SGCZ: variants seen among roughly 807,000 people sequenced by gnomAD.
The protein encoded by SGCZ is sarcoglycan zeta.
Under a neutral mutation model 41.3 loss-of-function variants are expected in SGCZ, and 40 were observed. The ratio of observed to expected loss-of-function variants is 0.97; its 90% confidence interval spans 0.75 to 1.26. The LOEUF is 1.26. SGCZ is among the 50% of genes most tolerant of loss of function. The probability of loss-of-function intolerance (pLI) is 0.00; values close to 1 mark genes in which losing one functional copy is unlikely to be tolerated. For synonymous variants in SGCZ, 206 were observed against 137.5 expected, an observed-to-expected ratio of 1.50 and a Z score of -3.49; for missense variants, 552 against 369.8, an observed-to-expected ratio of 1.49 and a Z score of -4.04.
At chr8:14,772,508 A>C (rs1800274545) in intron 1 of SGCZ, among the ~76,000 whole-genome samples, 1 of 150,856 alleles carries the variant, frequency 6.6e-6, no homozygotes, top group African/African-American at 2.4e-5. Flanking sequence ...TACATGTGCC[A>C]TGCTGCTGTG....
At chr8:14,311,185 G>T (rs1387876477) in intron 3 of SGCZ, among the ~76,000 whole-genome samples, 4 of 152,086 alleles carry the variant, frequency 2.6e-5, no homozygotes, top group Non-Finnish European at 5.9e-5. Flanking sequence ...TTCATGCACA[G>T]TAATTTAGTG....
chr8:15,237,802 A>G lies in SGCZ; in HGVS notation c.-179T>C. The G allele has an allele frequency of 1.7e-6, 1 of 577,006 alleles. No homozygotes were observed. The highest frequency in any genetic ancestry group is 3.1e-6 in the Non-Finnish European group (1 of 322,748). The allele number at this position is 577,006 out of a possible 1,614,324, so 35.7% of individuals were successfully genotyped here. A position where few individuals can be genotyped will look rare whatever the true frequency, so the allele number is the denominator to read the frequency against. On this transcript the variant is annotated 5_prime_UTR_variant, in exon 1 of 8. Transcript: ENST00000382080. Reference sequence around the variant, plus strand: ...GGTTAAAAATAAGGAAAATAAATAAATAATAATGATAATTCACTTTATTTT... The same window carrying G: ...GGTTAAAAATAAGGAAAATAAATAAGTAATAATGATAATTCACTTTATTTT...
intron 4 of SGCZ, among the ~76,000 whole-genome samples, chr8:14,172,995 G>C (rs1046597548): frequency 6.6e-6 from 1 of 152,110 alleles, no homozygotes; most frequent in Non-Finnish European, 1.5e-5. Flanking sequence ...CAGAGTGTTG[G>C]TATTTCCCTA....
At chr8:14,590,519 T>G (rs1805206506) in intron 1 of SGCZ, among the ~76,000 whole-genome samples, 1 of 151,180 alleles carries the variant, frequency 6.6e-6, no homozygotes. Context: ...TAAAATTATG[T>G]TTTTTATTAT....
intron 5 of SGCZ, among the ~76,000 whole-genome samples, chr8:14,143,356 T>A (rs1257895096): frequency 6.6e-6 from 1 of 152,130 alleles, no homozygotes; most frequent in Non-Finnish European, 1.5e-5. Context: ...TACATACAGG[T>A]TAAAAAGGAA....
chr8:14,842,628 G>A (rs1013071575), intron 1 of SGCZ, among the ~76,000 whole-genome samples: 1 of 152,118 alleles, frequency 6.6e-6, no homozygotes, highest in African/African-American at 2.4e-5. Flanking sequence ...ACAAAACACA[G>A]TGCTTATAAG....
intron 1 of SGCZ, among the ~76,000 whole-genome samples, chr8:15,015,330 TGATA>T (rs1360180817): frequency 1.3e-5 from 2 of 152,078 alleles, no homozygotes; most frequent in Non-Finnish European, 1.5e-5. Flanking sequence ...GACAAATAGA[TGATA>T]GATGGATTAT....
chr8:14,190,108 G>C (rs1805047181), intron 4 of SGCZ, among the ~76,000 whole-genome samples: 1 of 144,948 alleles, frequency 6.9e-6, no homozygotes, highest in African/African-American at 2.6e-5. Context: ...CGCCTCTGGG[G>C]TTCACGCCAT....
At chr8:14,650,468 C>T (rs1250257022) in intron 1 of SGCZ, among the ~76,000 whole-genome samples, 1 of 145,878 alleles carries the variant, frequency 6.9e-6, no homozygotes, top group African/African-American at 2.4e-5. Context: ...AGCCTACTGC[C>T]CAACGGTTAT....
chr8:15,138,519 C>A (rs1387428589), intron 1 of SGCZ, among the ~76,000 whole-genome samples: 3 of 152,176 alleles, frequency 2.0e-5, no homozygotes, highest in African/African-American at 2.4e-5. Context: ...TGGGAGGGAC[C>A]AGTTGGAAGT....
intron 3 of SGCZ, among the ~76,000 whole-genome samples, chr8:14,298,707 T>A (rs1431518856): frequency 2.0e-5 from 3 of 152,038 alleles, no homozygotes; most frequent in Non-Finnish European, 4.4e-5. Flanking sequence ...CATGGATAAA[T>A]GTAATATGTC....
chr8:15,011,617 T>A (rs998827993), intron 1 of SGCZ, among the ~76,000 whole-genome samples: 1 of 152,192 alleles, frequency 6.6e-6, no homozygotes, highest in African/African-American at 2.4e-5. Flanking sequence ...TCCCAGACTA[T>A]CTCAATTTTG....
intron 2 of SGCZ, among the ~76,000 whole-genome samples, chr8:14,370,409 C>T (rs73520230): frequency 0.012 from 1,834 of 151,742 alleles, 43 homozygotes; most frequent in African/African-American, 0.041. Context: ...GATACTATGC[C>T]AAGCACAACA....
chr8:14,540,220 AT>A (rs11428713), intron 2 of SGCZ, among the ~76,000 whole-genome samples: 1,824 of 48,594 alleles, frequency 0.038, 24 homozygotes, highest in Middle Eastern at 0.06. Context: ...TCTCTGCTTA[AT>A]TTTTTTTTTT....
chr8:14,475,039 T>A (rs892679377), intron 2 of SGCZ, among the ~76,000 whole-genome samples: 2 of 152,190 alleles, frequency 1.3e-5, no homozygotes, highest in Admixed American at 6.5e-5. Flanking sequence ...TGTGGACTTA[T>A]CCAATGAGTT....
intron 1 of SGCZ, among the ~76,000 whole-genome samples, chr8:14,928,086 C>A (rs1563369485): frequency 6.6e-6 from 1 of 152,196 alleles, no homozygotes; most frequent in Non-Finnish European, 1.5e-5. Flanking sequence ...TCCTTCCTAA[C>A]TGGCTTGTCA....
intron 5 of SGCZ, among the ~76,000 whole-genome samples, chr8:14,139,075 C>G (rs1337130270): frequency 1.4e-4 from 22 of 152,260 alleles, no homozygotes; most frequent in Admixed American, 1.4e-3. Flanking sequence ...ACTGAACAAC[C>G]TGCTCCTGAA....
At chr8:14,744,877 G>C (rs1489281030) in intron 1 of SGCZ, among the ~76,000 whole-genome samples, 2 of 152,080 alleles carry the variant, frequency 1.3e-5, no homozygotes, top group Non-Finnish European at 2.9e-5. Flanking sequence ...TCTCCATCCA[G>C]CTTTTCATTT....
intron 1 of SGCZ, among the ~76,000 whole-genome samples, chr8:15,020,730 C>G (rs187283412): frequency 1.3e-5 from 2 of 152,168 alleles, no homozygotes; most frequent in South Asian, 2.1e-4. Context: ...CTTCACCTGT[C>G]AAGTTCTTAG....
Sources: gnomAD v4.1 joint callset for allele counts (sites outside exome capture counted in the v4.1 genomes callset) on GRCh38, gnomAD v4.1.1 for gene constraint, MANE v1.5 for transcripts, NCBI Gene and HGNC (gene_info 2026-07-23, HGNC 2026-07-21) for gene names.